The following MYO9A variants were observed in gnomAD, a reference collection of about 807,000 sequenced individuals.
MYO9A encodes myosin IXA.
MYO9A carries 103 observed loss-of-function variants against 293.3 expected under a neutral mutation model. The ratio of observed to expected loss-of-function variants is 0.35; its 90% CI spans 0.30 to 0.41. The LOEUF is 0.41. MYO9A is among the 10% of genes least tolerant of loss of function. MYO9A has a pLI of 1.00. For synonymous variants in MYO9A, 1,001 were observed against 1,035.7 expected (o/e 0.97, Z 0.64); for missense variants, 2,685 against 3,033.0 (o/e 0.89, Z 2.69).
At chr15:71,947,122 T>C (rs2058935162) in intron 15 of MYO9A, among the ~76,000 whole-genome samples, 1 of 151,548 alleles carries the variant, frequency 6.6e-6, no homozygotes. Context: ...ATCTCTAAAA[T>C]ATGAAACAAA....
At chr15:72,017,210 T>C (rs75504479) in intron 6 of MYO9A, among the ~76,000 whole-genome samples, 2,554 of 152,000 alleles carry the variant, frequency 0.017, 38 homozygotes, top group Non-Finnish European at 0.025. Flanking sequence ...GATAGGGTAT[T>C]GCCTTGTTGC....
chr15:71,861,691 A>AAAC (rs550978969), intron 33 of MYO9A, among the ~76,000 whole-genome samples: 3,714 of 148,376 alleles, frequency 0.025, 135 homozygotes, highest in East Asian at 0.17. Flanking sequence ...AAAAAAAAAA[A>AAAC]AAAAAAAAAA....
At chr15:71,908,780 T>A (rs368091551) in intron 19 of MYO9A, among the ~76,000 whole-genome samples, 1 of 152,216 alleles carries the variant, frequency 6.6e-6, no homozygotes. Context: ...CTACAGTCCA[T>A]AATATGCATT....
intron 2 of MYO9A, among the ~76,000 whole-genome samples, chr15:72,033,793 A>G (rs916255098): frequency 8.5e-5 from 13 of 152,312 alleles, no homozygotes; most frequent in African/African-American, 2.4e-4. Flanking sequence ...TTATAGCTCA[A>G]TATAGCTCAA....
chr15:71,897,526 G>T lies in MYO9A; in HGVS notation c.4977C>A (p.Asp1659Glu). The change falls in exon 25 of 42, where the codon GAC becomes GAA. Residue 1659 changes from aspartate to glutamate, a missense_variant. This residue lies in a region of MYO9A where 1,434 missense variants were observed against 1,497.7 expected (regional missense o/e 0.96). Coordinates refer to ENST00000356056, the MANE Select transcript of MYO9A (RefSeq NM_006901.4). Reference protein sequence around the residue: ...PTQSYSHNSDDLSREGNARPI... With the variant: ...PTQSYSHNSDELSREGNARPI... ...GCCTAGCATTTCCCTCTCTGGAAAGGTCATCAGAATTGTGGCTGTAAGACT... is the reference window on the plus strand; with the variant it reads ...GCCTAGCATTTCCCTCTCTGGAAAGTTCATCAGAATTGTGGCTGTAAGACT... 1 of 1,614,012 alleles carries T rather than the reference G, an allele frequency of 6.2e-7. No individual in the cohort carries two copies.
chr15:71,984,699 T>TA (rs1393857920), intron 11 of MYO9A, among the ~76,000 whole-genome samples: 2 of 152,238 alleles, frequency 1.3e-5, no homozygotes, highest in African/African-American at 4.8e-5. Context: ...ACCTGTATCT[T>TA]ACTATTAAAA....
intron 15 of MYO9A, among the ~76,000 whole-genome samples, chr15:71,946,335 A>G (rs370825013): frequency 6.6e-6 from 1 of 152,164 alleles, no homozygotes; most frequent in Non-Finnish European, 1.5e-5. Flanking sequence ...GTGGGGGGAA[A>G]ATTTTAGTTA....
intron 3 of MYO9A, among the ~76,000 whole-genome samples, chr15:72,028,235 AT>A (rs1340994713): frequency 1.7e-3 from 249 of 146,074 alleles, no homozygotes; most frequent in African/African-American, 6.0e-3. Context: ...ATATATATAT[AT>A]ATAAATATAT....
At chr15:71,990,953 T>G (rs55646916) in intron 11 of MYO9A, 150 bp downstream of exon 11, 20,141 of 752,548 alleles carry the variant, frequency 0.027, 332 homozygotes, top group Non-Finnish European at 0.031. Context: ...TTTACTTCGG[T>G]TATTCTTGTT....
intron 6 of MYO9A, among the ~76,000 whole-genome samples, chr15:72,017,139 G>C (rs1487841761): frequency 6.8e-6 from 1 of 146,220 alleles, no homozygotes; most frequent in Non-Finnish European, 1.5e-5. Flanking sequence ...GCCTGCCTCA[G>C]CCTCCTGAGT....
chr15:71,826,022 GT>G lies in MYO9A; in HGVS notation c.*557del, dbSNP rs2054481724. 1.2e-4 allele frequency: 7 copies of G among 60,098 alleles called. No individual in the cohort carries two copies. Among genetic ancestry groups the G allele is most frequent in the African/African-American group, 3.8e-4 (6 of 15,722 alleles). 3.7% of individuals were successfully genotyped at this position (60,098 alleles called of 1,614,324 possible). On this transcript the variant is annotated 3_prime_UTR_variant, in exon 42 of 42. Coordinates refer to ENST00000356056, the MANE Select transcript of MYO9A (RefSeq NM_006901.4). ...TTTTTTTTTTTTGTTTTTTTTTTTT[GT>G]TTTTGCTTTCCCCAGAATATAACAT...
In MYO9A at chr15:72,003,367, A is replaced by AT. The variant is rs1271835327; in HGVS notation, c.1381-3428dup. On this transcript the variant is annotated intron_variant, in intron 8 of 41. Transcript: ENST00000356056. ...CAAATAGCTAATACCATAGAGAAAA[A>AT]TTTTAAAGAGTGAAATTAACAGACT... Among the ~76,000 whole-genome samples, 5 of 152,012 alleles carry AT rather than the reference A, an allele frequency of 3.3e-5. No homozygotes were observed. In the South Asian group the frequency reaches 1.0e-3, roughly 32 times the overall value.
At chr15:71,893,658 A>C in intron 26 of MYO9A, 21 bp downstream of exon 26, 2 of 1,578,584 alleles carry the variant, frequency 1.3e-6, no homozygotes, top group East Asian at 2.2e-5. Flanking sequence ...GAAGATAGAT[A>C]AACAAAAACT....
chr15:71,877,912 C>T lies in MYO9A; in HGVS notation c.5931+128G>A, dbSNP rs1227480195. The T allele has an allele frequency of 8.3e-6, 6 of 718,622 alleles. No individual in the cohort carries two copies. In the African/African-American group the frequency reaches 9.1e-5, roughly 11 times the overall value. The allele number at this position is 718,622 out of a possible 1,614,324, so 44.5% of individuals were successfully genotyped here. On this transcript the variant is annotated intron_variant, in intron 31 of 41. Transcript: ENST00000356056. Reference sequence around the variant, plus strand: ...AGGATCTAAAGTGGCGCTAAGTTGACATGTTCCCTGTAATGTTTTTCTCAA... The same window carrying T: ...AGGATCTAAAGTGGCGCTAAGTTGATATGTTCCCTGTAATGTTTTTCTCAA...
chr15:71,875,906 G>A, intron 31 of MYO9A, 68 bp from the exon 32 acceptor site: 1 of 897,884 alleles, frequency 1.1e-6, no homozygotes, highest in Non-Finnish European at 1.5e-6. Context: ...TTACTTCATT[G>A]CAAATGTTAA....
intron 10 of MYO9A, chr15:71,993,663 G>A (rs966985847): frequency 7.2e-5 from 11 of 151,944 alleles, no homozygotes; most frequent in African/African-American, 2.7e-4. Context: ...TTTTCAAAAT[G>A]TATCTATCCT....
chr15:72,100,381 C>A (rs1005274120), intron 1 of MYO9A, among the ~76,000 whole-genome samples: 6 of 152,148 alleles, frequency 3.9e-5, no homozygotes, highest in Non-Finnish European at 7.4e-5. Flanking sequence ...CTCGCTACAA[C>A]CCCGTCTGGG....
chr15:72,098,741 G>GC (rs575638384), intron 1 of MYO9A, among the ~76,000 whole-genome samples: 211 of 152,244 alleles, frequency 1.4e-3, no homozygotes, highest in African/African-American at 4.5e-3. Context: ...GGGGGCTGAG[G>GC]CAGGAGGGTT....
chr15:71,876,999 A>C (rs1409671765), intron 31 of MYO9A, among the ~76,000 whole-genome samples: 1 of 152,190 alleles, frequency 6.6e-6, no homozygotes, highest in Non-Finnish European at 1.5e-5. Flanking sequence ...ACTTATTTAT[A>C]TCTGAAAACT....
Sources: allele counts gnomAD v4.1 joint callset (sites outside exome capture counted in the v4.1 genomes callset), GRCh38; gene constraint gnomAD v4.1.1; regional missense constraint gnomAD v4.1.1; transcripts MANE v1.5; gene names NCBI Gene and HGNC (gene_info 2026-07-23, HGNC 2026-07-21).